Variants in MET observed in about 807,000 individuals in gnomAD.
MET encodes MET proto-oncogene, receptor tyrosine kinase, also known as hepatocyte growth factor receptor.
A neutral mutation model predicts 133.1 loss-of-function variants in MET; 48 were observed. The observed-to-expected ratio is 0.36, with a 90% confidence interval of 0.29 to 0.46. The LOEUF is 0.46. Ranked by LOEUF, MET falls within the 20% of genes least tolerant of loss-of-function variation. MET has a pLI of 1.00. For missense variants in MET, 1,442 were observed against 1,695.9 expected, an observed-to-expected ratio of 0.85 and a Z score of 2.63; for synonymous variants, 628 against 616.5, an observed-to-expected ratio of 1.02 and a Z score of -0.28.
intron 12 of MET, 31 bp downstream of exon 12, chr7:116,769,822 A>G (rs1465772712): frequency 6.2e-7 from 1 of 1,613,350 alleles, no homozygotes; most frequent in East Asian, 2.2e-5. Flanking sequence ...TCATGATGTA[A>G]ATAAGGAAGC....
At chr7:116,748,653 G>GA (rs1562915466) in intron 5 of MET, among the ~76,000 whole-genome samples, 1 of 150,384 alleles carries the variant, frequency 6.6e-6, no homozygotes, top group African/African-American at 2.4e-5. Context: ...ATAGAGACAC[G>GA]AAAAACCCCA....
At position 116,771,873 on chromosome 7, in the gene MET, A is replaced by G. The variant is rs780819058; in HGVS notation, c.2912A>G (p.Tyr971Cys). The G allele has an allele frequency of 1.2e-6, 2 of 1,613,892 alleles. No individual in the cohort carries two copies. Among genetic ancestry groups the G allele is most frequent in the Non-Finnish European group, 1.7e-6 (2 of 1,179,876 alleles). ...IKDLGSELVR[Y>C]DARVHTPHLD... ...GATCTGGGCAGTGAATTAGTTCGCT[A>G]CGATGCAAGAGTACACACTCCTCAT... is the stretch of plus-strand genomic sequence containing the variant. The change falls in exon 14 of 21, where the codon TAC becomes TGC. Residue 971 changes from tyrosine to cysteine, a missense_variant. By Grantham distance (194) the Tyr-to-Cys change is radical (BLOSUM62 -2). Coordinates refer to ENST00000397752, the MANE Select transcript of MET (RefSeq NM_000245.4).
chr7:116,727,596 CA>C (rs1386387759), intron 2 of MET, among the ~76,000 whole-genome samples: 1 of 152,178 alleles, frequency 6.6e-6, no homozygotes, highest in Non-Finnish European at 1.5e-5. Flanking sequence ...TTCCCCAAAG[CA>C]GCTACTGTCC....
chr7:116,779,079 C>T, intron 17 of MET, 122 bp downstream of exon 17: 1 of 1,011,490 alleles, frequency 9.9e-7, no homozygotes, highest in Non-Finnish European at 1.5e-6. Flanking sequence ...AAAATGTTAG[C>T]ATCATTCAAA....
At chr7:116,779,294 G>A (rs1268397494) in intron 17 of MET, among the ~76,000 whole-genome samples, 1 of 152,166 alleles carries the variant, frequency 6.6e-6, no homozygotes, top group African/African-American at 2.4e-5. Flanking sequence ...AGCCCATATG[G>A]AATGTTAACT....
rs774952152 is a variant in MET at position 116,731,765 on chromosome 7, A to G, written c.1298A>G (p.Gln433Arg). 6.2e-7 allele frequency: 1 copy of G among 1,614,168 alleles called. No homozygotes were observed. The highest frequency in any genetic ancestry group is 1.1e-5 in the South Asian group (1 of 91,084). Residue 433 changes from glutamine to arginine, a missense_variant, in exon 3 of 21, where the codon CAA (glutamine) becomes CGA (arginine). By Grantham distance (43) the Gln-to-Arg change is conservative (BLOSUM62 1). Coordinates refer to ENST00000397752, the MANE Select transcript of MET (RefSeq NM_000245.4). ...CAGCGCGTTGACTTATTCATGGGTC[A>G]ATTCAGCGAAGTCCTCTTAACATCT... The part of the protein sequence containing the change: ...ALQRVDLFMG[Q>R]FSEVLLTSIS...
At chr7:116,706,800 G>T (rs571145677) in intron 2 of MET, among the ~76,000 whole-genome samples, 122 of 151,954 alleles carry the variant, frequency 8.0e-4, no homozygotes, top group African/African-American at 2.8e-3. Flanking sequence ...CATCTCCAGC[G>T]TCCAGGGAGG....
chr7:116,755,228 C>A, intron 5 of MET, 127 bp from the exon 6 acceptor site: 3 of 1,160,080 alleles, frequency 2.6e-6, no homozygotes, highest in Non-Finnish European at 3.6e-6. Flanking sequence ...TAAATTTTTA[C>A]TAAATTGTGG....
intron 4 of MET, 77 bp from the exon 5 acceptor site, chr7:116,740,775 T>C: frequency 6.5e-7 from 1 of 1,547,684 alleles, no homozygotes; most frequent in Non-Finnish European, 8.9e-7. Flanking sequence ...TACATGTACC[T>C]TTTGTGTACT....
At chr7:116,791,507 G>T (rs533285461) in intron 19 of MET, among the ~76,000 whole-genome samples, 3 of 152,052 alleles carry the variant, frequency 2.0e-5, no homozygotes, top group Non-Finnish European at 4.4e-5. Flanking sequence ...CTTTAGTAAA[G>T]TGTCTACTCA....
intron 4 of MET, 108 bp downstream of exon 4, chr7:116,740,192 C>T: frequency 8.0e-7 from 1 of 1,257,070 alleles, no homozygotes; most frequent in South Asian, 1.2e-5. Flanking sequence ...CTTAAATTTA[C>T]CCCTCCTCCA....
At chr7:116,773,755 C>T (rs746835458) in intron 14 of MET, among the ~76,000 whole-genome samples, 12 of 152,112 alleles carry the variant, frequency 7.9e-5, no homozygotes, top group Non-Finnish European at 1.8e-4. Context: ...AATTGATGCC[C>T]AACGCTTTTC....
intron 5 of MET, among the ~76,000 whole-genome samples, chr7:116,747,682 C>T (rs1015768696): frequency 2.0e-5 from 3 of 152,162 alleles, no homozygotes; most frequent in African/African-American, 7.2e-5. Context: ...TAATAGGAGA[C>T]TTTAACACCC....
intron 1 of MET, among the ~76,000 whole-genome samples, chr7:116,681,137 G>T (rs535365592): frequency 1.7e-4 from 26 of 152,142 alleles, no homozygotes; most frequent in African/African-American, 6.3e-4. Flanking sequence ...CCTAAATTGG[G>T]CCTCTTAGTC....
At chr7:116,741,190 A>T in intron 5 of MET, 165 bp downstream of exon 5, 2 of 796,220 alleles carry the variant, frequency 2.5e-6, no homozygotes. Context: ...CTAAAGCACC[A>T]TCTCTCTCTT....
intron 2 of MET, among the ~76,000 whole-genome samples, chr7:116,729,093 C>T (rs1281774087): frequency 1.3e-5 from 2 of 152,204 alleles, no homozygotes; most frequent in Non-Finnish European, 2.9e-5. Context: ...GATGATTGAT[C>T]ACCAATAGAA....
intron 4 of MET, 49 bp downstream of exon 4, chr7:116,740,133 G>A (rs2116829202): frequency 6.2e-7 from 1 of 1,609,760 alleles, no homozygotes; most frequent in African/African-American, 1.3e-5. Context: ...TTTCCCAAAT[G>A]CATATTTACA....
At chr7:116,709,726 T>G (rs761346772) in intron 2 of MET, among the ~76,000 whole-genome samples, 13 of 152,034 alleles carry the variant, frequency 8.6e-5, no homozygotes, top group Non-Finnish European at 1.8e-4. Context: ...GAATCTTGAG[T>G]GTAAAAAACT....
At chr7:116,677,319 C>T (rs1248322106) in intron 1 of MET, among the ~76,000 whole-genome samples, 3 of 152,164 alleles carry the variant, frequency 2.0e-5, no homozygotes, top group African/African-American at 7.2e-5. Context: ...TTTTCTTCCT[C>T]TTTTCTTCCT....
Sources: gnomAD v4.1 joint callset for allele counts (sites outside exome capture counted in the v4.1 genomes callset) on GRCh38, gnomAD v4.1.1 for gene constraint, MANE v1.5 for transcripts, NCBI Gene and HGNC (gene_info 2026-07-23, HGNC 2026-07-21) for gene names.